The following TRPM1 variants were observed in gnomAD, a reference collection of about 807,000 sequenced individuals.
The protein encoded by TRPM1 is transient receptor potential cation channel subfamily M member 1.
TRPM1 carries 113 observed loss-of-function variants against 149.4 expected under a neutral mutation model. The observed-to-expected ratio is 0.76, with a 90% CI of 0.65 to 0.88. The LOEUF (loss-of-function observed/expected upper bound fraction) is 0.88. Ranked by LOEUF, TRPM1 falls within the 40% of genes least tolerant of loss-of-function variation. The probability of loss-of-function intolerance (pLI) is 0.00; values close to 1 mark genes in which losing one functional copy is unlikely to be tolerated. For synonymous variants in TRPM1, 741 were observed against 759.5 expected, an observed-to-expected ratio of 0.98 and a Z score of 0.40; for missense variants, 1,976 against 2,038.7, an observed-to-expected ratio of 0.97 and a Z score of 0.59.
chr15:31,136,394 C>T (rs546516160), intron 1 of TRPM1, among the ~76,000 whole-genome samples: 6 of 152,332 alleles, frequency 3.9e-5, no homozygotes, highest in African/African-American at 1.2e-4. Context: ...CATTTATAAT[C>T]GGAAGGCATT....
At position 31,040,434 on chromosome 15, in the gene TRPM1, C is replaced by G; in HGVS notation, c.2088-88G>C. 1 of 1,072,000 alleles carries G rather than the reference C, an allele frequency of 9.3e-7. No individual in the cohort carries two copies. The allele number at this position is 1,072,000 out of a possible 1,614,324, so 66.4% of individuals were successfully genotyped here. ...GCATATCCACCAAGGACTTATGGAG[C>G]CACGGGACACAGTATCCTTCACTGG... On this transcript the variant is annotated intron_variant, in intron 17 of 27. Coordinates refer to ENST00000256552, the MANE Select transcript of TRPM1 (RefSeq NM_001252024.2). The surrounding 1 kb of genome is among the most constrained non-coding windows in gnomAD (Gnocchi z 4.2).
chr15:31,130,179 C>A lies in TRPM1; in HGVS notation c.54+30727G>T, dbSNP rs553313600. Among the ~76,000 whole-genome samples, 5 of 152,336 alleles carry A rather than the reference C, an allele frequency of 3.3e-5. No individual in the cohort carries two copies. The East Asian group carries it at 5.8e-4, about 18-fold the overall frequency. The stretch of plus-strand genomic sequence containing the variant: ...GCCGGGTGCATTGGGACCTCCAGGA[C>A]CTGCCCAGTGTCTTACCTGGCATCT... On this transcript the variant is annotated intron_variant, in intron 1 of 26. Coordinates refer to the TRPM1 transcript ENST00000542188.
intron 24 of TRPM1, among the ~76,000 whole-genome samples, chr15:31,029,018 T>G (rs1369013087): frequency 6.6e-6 from 1 of 152,212 alleles, no homozygotes; most frequent in Non-Finnish European, 1.5e-5. Flanking sequence ...CACTGATACA[T>G]TAAATTTGAA....
intron 1 of TRPM1, among the ~76,000 whole-genome samples, chr15:31,096,321 A>G (rs1306687572): frequency 6.6e-6 from 1 of 152,186 alleles, no homozygotes; most frequent in Admixed American, 6.5e-5. Flanking sequence ...CATCTTATAC[A>G]CTTTTTAAAA....
In TRPM1 at chr15:31,040,147, G is replaced by A; in HGVS notation, c.2287C>T (p.Leu763=). The A allele has an allele frequency of 3.7e-6, 6 of 1,614,246 alleles. No individual in the cohort carries two copies. The highest frequency in any genetic ancestry group is 5.1e-6 in the Non-Finnish European group (6 of 1,180,042). ...MLLTDMWMGR[L]RMRKNPGLKV... ...AGGCCGGGGTTCTTCCGCATCCGCA[G>A]TCTTCCCATCCACATATCGGTCAGC... is the stretch of plus-strand genomic sequence containing the variant. The change falls in exon 18 of 28, where the codon CTG becomes TTG. Residue 763 remains leucine, a synonymous_variant. Transcript: ENST00000256552. The surrounding 1 kb of genome is among the most constrained non-coding windows in gnomAD (Gnocchi z 4.2).
At chr15:31,004,978 G>A (rs7175967) in intron 27 of TRPM1, among the ~76,000 whole-genome samples, 1 of 151,646 alleles carries the variant, frequency 6.6e-6, no homozygotes, top group Non-Finnish European at 1.5e-5. Flanking sequence ...GGTGTGTGCC[G>A]GTAATCCCAG....
At chr15:31,052,638 G>C (rs2033976445) in intron 11 of TRPM1, among the ~76,000 whole-genome samples, 1 of 152,062 alleles carries the variant, frequency 6.6e-6, no homozygotes, top group Non-Finnish European at 1.5e-5. Context: ...AGCTGGACAT[G>C]GTGGTGGGTG....
At chr15:31,068,210 G>C in intron 4 of TRPM1, 118 bp from the exon 5 acceptor site, 1 of 886,442 alleles carries the variant, frequency 1.1e-6, no homozygotes, top group Non-Finnish European at 1.9e-6. Flanking sequence ...CTTCCTCAGG[G>C]CCCTGGAGCC....
chr15:31,102,333 C>T (rs1243762392), upstream of TRPM1, among the ~76,000 whole-genome samples: 1 of 152,210 alleles, frequency 6.6e-6, no homozygotes, highest in African/African-American at 2.4e-5. Flanking sequence ...TAACAGTATG[C>T]GTGGTTATTC....
rs144747684 is a variant in TRPM1 at position 31,058,767 on chromosome 15, G to A, written c.1263+1777C>T. The stretch of plus-strand genomic sequence containing the variant: ...TAGGTGGTTCCACGTACTCTTTACC[G>A]TCATAAAGGTGACCAATATAAGAAT... On this transcript the variant is annotated intron_variant, in intron 11 of 27. Coordinates refer to ENST00000256552, the MANE Select transcript of TRPM1 (RefSeq NM_001252024.2). 2.5e-3 allele frequency among the ~76,000 whole-genome samples: 379 copies of A among 152,304 alleles called. 2 individuals are homozygous for A. The highest frequency in any genetic ancestry group is 8.0e-3 in the African/African-American group (331 of 41,574).
At chr15:31,149,526 C>T (rs28425734) in intron 1 of TRPM1, among the ~76,000 whole-genome samples, 62,411 of 122,380 alleles carry the variant, frequency 0.51, 17,969 homozygotes, top group African/African-American at 0.77. Context: ...CTCTCTCTCT[C>T]TTTTTTTTTT....
At chr15:31,080,614 CA>C in intron 2 of TRPM1, among the ~76,000 whole-genome samples, 1 of 148,922 alleles carries the variant, frequency 6.7e-6, no homozygotes, top group Non-Finnish European at 1.5e-5. Flanking sequence ...CCCTAGCCCC[CA>C]GGCCCCGCCC....
intron 3 of TRPM1, chr15:31,070,483 A>C: frequency 1.4e-6 from 1 of 690,220 alleles, no homozygotes; most frequent in African/African-American, 1.7e-5. Context: ...CAACTTTTTG[A>C]TGTCTTGATA....
chr15:31,112,044 C>G (rs778430968), intron 1 of TRPM1, among the ~76,000 whole-genome samples: 3 of 152,186 alleles, frequency 2.0e-5, no homozygotes, highest in Non-Finnish European at 4.4e-5. Flanking sequence ...AAGTCTGAAA[C>G]ACAGGCCAAG....
chr15:31,026,175 G>A lies in TRPM1; in HGVS notation c.3593C>T (p.Ser1198Leu), dbSNP rs915603269. ...GACCCGGATGCGCTCGTCGCTGGACGACTGCTGCTCATCCTCCTTCTCCCG... is the reference window on the plus strand; with the variant it reads ...GACCCGGATGCGCTCGTCGCTGGACAACTGCTGCTCATCCTCCTTCTCCCG... ...HFREKEDEQQ[S>L]SSDERIRVTS... The change falls in exon 27 of 28, where the codon TCG (serine) becomes TTG (leucine). Residue 1198 changes from serine to leucine, a missense_variant. Ser to Leu is a moderately radical substitution (Grantham distance 145). This residue lies in a region of TRPM1 where 572 missense variants were observed against 578.9 expected (regional missense o/e 0.99). Transcript: ENST00000256552. 1 of 1,612,134 alleles carries A rather than the reference G, an allele frequency of 6.2e-7. No individual in the cohort carries two copies. Among genetic ancestry groups the A allele is most frequent in the Non-Finnish European group, 8.5e-7 (1 of 1,180,038 alleles).
In TRPM1 at chr15:31,101,328, C is replaced by T. The variant is rs551700744; in HGVS notation, c.-84+329G>A. On this transcript the variant is annotated intron_variant, in intron 1 of 27. Transcript: ENST00000256552. ...TGAGACCAGCTGACAGAGTACTTAT[C>T]CCCTCTGTGAATCAACCTGGTGGGT... Among the ~76,000 whole-genome samples the T allele has an allele frequency of 7.9e-5, 12 of 152,306 alleles. No homozygotes were observed. The South Asian group carries it at 2.5e-3, about 32-fold the overall frequency.
intron 11 of TRPM1, 118 bp from the exon 12 acceptor site, chr15:31,050,700 A>T: frequency 6.5e-6 from 7 of 1,077,728 alleles, no homozygotes; most frequent in African/African-American, 1.5e-5. Flanking sequence ...ACATGCACAC[A>T]ATGTACATGT....
At chr15:31,011,658 G>A (rs1335140485) in intron 27 of TRPM1, among the ~76,000 whole-genome samples, 1 of 146,542 alleles carries the variant, frequency 6.8e-6, no homozygotes, top group Non-Finnish European at 1.5e-5. Flanking sequence ...TTAATTTAAT[G>A]CCAATTACTT....
chr15:31,070,360 A>G, intron 3 of TRPM1, 134 bp from the exon 4 acceptor site: 1 of 846,574 alleles, frequency 1.2e-6, no homozygotes, highest in Non-Finnish European at 2.0e-6. Flanking sequence ...AGCCAGCGTT[A>G]TTAGGGACAG....
Sources: allele counts gnomAD v4.1 joint callset (sites outside exome capture counted in the v4.1 genomes callset), GRCh38; gene constraint gnomAD v4.1.1; regional missense constraint gnomAD v4.1.1; non-coding constraint Gnocchi (gnomAD v3.1); transcripts MANE v1.5; gene names NCBI Gene and HGNC (gene_info 2026-07-23, HGNC 2026-07-21).